Variants in CSMD1 observed in about 807,000 individuals in gnomAD.
CSMD1 encodes the protein CUB and sushi domain-containing protein 1.
Under a neutral mutation model 417.5 loss-of-function variants are expected in CSMD1, and 213 were observed. The ratio of observed to expected loss-of-function variants is 0.51; its 90% confidence interval spans 0.46 to 0.57. The LOEUF is 0.57. Among genes scored for constraint, CSMD1 ranks in the 20% least tolerant of loss-of-function variants. The pLI is 0.00. For synonymous variants in CSMD1, 2,862 were observed against 1,736.8 expected, an observed-to-expected ratio of 1.65 and a Z score of -16.11; for missense variants, 6,923 against 4,529.7, an observed-to-expected ratio of 1.53 and a Z score of -15.17.
intron 5 of CSMD1, among the ~76,000 whole-genome samples, chr8:3,879,204 A>G (rs1366757336): frequency 6.6e-6 from 1 of 152,168 alleles, no homozygotes; most frequent in African/African-American, 2.4e-5. Flanking sequence ...CTTTGCCTAG[A>G]AATATACAGG....
chr8:2,995,355 C>T (rs1419890804), intron 54 of CSMD1, among the ~76,000 whole-genome samples: 1 of 152,188 alleles, frequency 6.6e-6, no homozygotes, highest in Non-Finnish European at 1.5e-5. Flanking sequence ...TATCACCACA[C>T]ATCTATCAAG....
intron 1 of CSMD1, among the ~76,000 whole-genome samples, chr8:4,915,274 T>G (rs1371273660): frequency 1.3e-5 from 2 of 152,160 alleles, no homozygotes; most frequent in African/African-American, 4.8e-5. Context: ...CTCCAATTCA[T>G]AGGCATAACA....
chr8:4,126,300 G>A (rs569674884), intron 3 of CSMD1, among the ~76,000 whole-genome samples: 52 of 152,284 alleles, frequency 3.4e-4, no homozygotes, highest in African/African-American at 1.2e-3. Context: ...CAATGTCCCT[G>A]TTGATAAATT....
chr8:3,761,961 G>C (rs1798030408), intron 5 of CSMD1, among the ~76,000 whole-genome samples: 1 of 152,052 alleles, frequency 6.6e-6, no homozygotes, highest in Admixed American at 6.5e-5. Context: ...CTCCACACCA[G>C]TGGCCATAAG....
intron 3 of CSMD1, among the ~76,000 whole-genome samples, chr8:4,395,677 G>C (rs7840575): frequency 1.3e-5 from 2 of 152,028 alleles, no homozygotes; most frequent in South Asian, 4.2e-4. Context: ...AAAAGCTAGG[G>C]AGACATAAAC....
At chr8:3,982,931 T>C (rs557608816) in intron 5 of CSMD1, among the ~76,000 whole-genome samples, 1 of 152,268 alleles carries the variant, frequency 6.6e-6, no homozygotes, top group East Asian at 1.9e-4. Context: ...TATTGTTATA[T>C]GCACTTTGCA....
intron 2 of CSMD1, among the ~76,000 whole-genome samples, chr8:4,468,458 T>C (rs1008489398): frequency 2.0e-5 from 3 of 152,242 alleles, no homozygotes; most frequent in African/African-American, 7.2e-5. Context: ...TCAAACCTTA[T>C]GATTTAAGCT....
intron 3 of CSMD1, among the ~76,000 whole-genome samples, chr8:4,105,108 C>G (rs1158200): frequency 6.6e-6 from 1 of 152,080 alleles, no homozygotes; most frequent in Non-Finnish European, 1.5e-5. Context: ...TTAATGTGTC[C>G]TTAGCTCCCT....
intron 3 of CSMD1, among the ~76,000 whole-genome samples, chr8:4,240,887 G>A (rs1802360820): frequency 6.6e-6 from 1 of 152,106 alleles, no homozygotes; most frequent in Non-Finnish European, 1.5e-5. Context: ...ATTCATTCAG[G>A]CGCATGTTAC....
Position 4,775,668 on chromosome 8 carries a change from T to C in CSMD1, c.86-138110A>G, listed in dbSNP as rs1256487307. ...TTCAAAAACATCATCTTATGCTGTTTAAGAGGAAAGACTGCTGGACCAAGG... is the reference window on the plus strand; with the variant it reads ...TTCAAAAACATCATCTTATGCTGTTCAAGAGGAAAGACTGCTGGACCAAGG... On this transcript the variant is annotated intron_variant, in intron 1 of 69. Coordinates refer to ENST00000635120, the MANE Select transcript of CSMD1 (RefSeq NM_033225.6). 2.0e-5 allele frequency among the ~76,000 whole-genome samples: 3 copies of C among 152,158 alleles called. No individual in the cohort carries two copies. The East Asian group carries it at 5.8e-4, about 29-fold the overall frequency.
intron 26 of CSMD1, among the ~76,000 whole-genome samples, chr8:3,249,822 T>C (rs76034934): frequency 0.044 from 6,735 of 152,256 alleles, 203 homozygotes; most frequent in East Asian, 0.089. Flanking sequence ...TGCAATTTAG[T>C]GATGTTTATT....
intron 2 of CSMD1, among the ~76,000 whole-genome samples, chr8:4,599,870 T>C (rs1800491638): frequency 6.6e-6 from 1 of 152,224 alleles, no homozygotes; most frequent in Non-Finnish European, 1.5e-5. Context: ...CAATTAAAGT[T>C]ACATTCAAAG....
chr8:3,971,799 T>A (rs2740815), intron 5 of CSMD1, among the ~76,000 whole-genome samples: 20,205 of 152,246 alleles, frequency 0.13, 1,422 homozygotes, highest in East Asian at 0.21. Flanking sequence ...GAATTAAATA[T>A]TAACTTACTT....
chr8:3,159,416 C>A (rs1033029492), intron 38 of CSMD1, among the ~76,000 whole-genome samples: 1 of 152,178 alleles, frequency 6.6e-6, no homozygotes, highest in Non-Finnish European at 1.5e-5. Flanking sequence ...AGATGGAAGT[C>A]ATACATCATT....
intron 3 of CSMD1, among the ~76,000 whole-genome samples, chr8:4,370,999 G>T (rs1303520688): frequency 1.3e-5 from 2 of 152,182 alleles, no homozygotes; most frequent in Non-Finnish European, 1.5e-5. Flanking sequence ...AAGACACACT[G>T]ACCTTTAGTG....
At chr8:3,951,567 G>C (rs556525863) in intron 5 of CSMD1, among the ~76,000 whole-genome samples, 1 of 151,926 alleles carries the variant, frequency 6.6e-6, no homozygotes, top group Non-Finnish European at 1.5e-5. Flanking sequence ...CATCGCCAAA[G>C]ATATGAATCA....
At chr8:3,845,578 C>G (rs1423390931) in intron 5 of CSMD1, among the ~76,000 whole-genome samples, 2 of 152,106 alleles carry the variant, frequency 1.3e-5, no homozygotes, top group African/African-American at 4.8e-5. Context: ...TTATGAAGGC[C>G]TAGGACATCT....
intron 1 of CSMD1, among the ~76,000 whole-genome samples, chr8:4,674,410 G>A (rs1044432135): frequency 6.6e-6 from 1 of 152,120 alleles, no homozygotes; most frequent in Non-Finnish European, 1.5e-5. Flanking sequence ...AAAGGCAAGT[G>A]GAAACAGGTA....
chr8:4,926,662 C>T (rs1806892879), intron 1 of CSMD1, among the ~76,000 whole-genome samples: 2 of 152,008 alleles, frequency 1.3e-5, no homozygotes, highest in Admixed American at 6.6e-5. Flanking sequence ...AAAATATGAC[C>T]AGTATTCTTC....
Sources: allele counts gnomAD v4.1 joint callset (sites outside exome capture counted in the v4.1 genomes callset), GRCh38; gene constraint gnomAD v4.1.1; transcripts MANE v1.5; gene names NCBI Gene and HGNC (gene_info 2026-07-23, HGNC 2026-07-21).